FBN1: variants seen among roughly 807,000 people sequenced by gnomAD.
The protein encoded by FBN1 is fibrillin-1.
A neutral mutation model predicts 365.1 loss-of-function variants in FBN1; 29 were observed. The observed-to-expected ratio is 0.08, with a 90% CI of 0.06 to 0.11. The LOEUF is 0.11. Among genes scored for constraint, FBN1 ranks in the 10% least tolerant of loss-of-function variants. The probability of loss-of-function intolerance (pLI) is 1.00; values close to 1 mark genes in which losing one functional copy is unlikely to be tolerated. For missense variants in FBN1, 2,476 were observed against 3,703.2 expected (o/e 0.67, Z 8.60); for synonymous variants, 1,210 against 1,270.5 (o/e 0.95, Z 1.01).
intron 10 of FBN1, among the ~76,000 whole-genome samples, chr15:48,516,798 CA>C: frequency 1.3e-5 from 2 of 152,220 alleles, no homozygotes; most frequent in South Asian, 4.2e-4. Context: ...TTCAGAAGAT[CA>C]TGCTTACAAT....
intron 45 of FBN1, among the ~76,000 whole-genome samples, chr15:48,451,583 G>A (rs2043201964): frequency 6.6e-6 from 1 of 152,066 alleles, no homozygotes; most frequent in Admixed American, 6.5e-5. Flanking sequence ...TGGTAGGCAA[G>A]GAAATCCAAG....
chr15:48,481,583 G>T, intron 32 of FBN1, 72 bp downstream of exon 32: 3 of 1,465,712 alleles, frequency 2.0e-6, no homozygotes, highest in South Asian at 1.2e-5. Context: ...TTTAAAACAT[G>T]TATCAATCTA....
rs940287048 is a variant in FBN1, at chr15:48,632,561, G to A, written c.164+12045C>T. Among the ~76,000 whole-genome samples, 6 of 152,192 alleles carry A rather than the reference G, an allele frequency of 3.9e-5. No individual in the cohort carries two copies. The East Asian group carries it at 1.2e-3, about 29-fold the overall frequency. On this transcript the variant is annotated intron_variant, in intron 2 of 65. Transcript: ENST00000316623. ...TTCCTCCTAGAAGGTGGTGGAGCCA[G>A]GGTTTGACCCAAAGCATGTCTATTT...
chr15:48,413,425 T>G (rs979824526), intron 64 of FBN1, among the ~76,000 whole-genome samples: 1 of 152,254 alleles, frequency 6.6e-6, no homozygotes, highest in African/African-American at 2.4e-5. Context: ...CTCCGACTCA[T>G]GTGAAGATGG....
At position 48,431,234 on chromosome 15, in the gene FBN1, A is replaced by G. The variant is rs573559182; in HGVS notation, c.6740-432T>C. On this transcript the variant is annotated intron_variant, in intron 55 of 65. Coordinates refer to ENST00000316623, the MANE Select transcript of FBN1 (RefSeq NM_000138.5). ...TACCTCAGTCTCCCAAGTATCTGGG[A>G]TTACAGGCATGCACCACCACGCCTG... Among the ~76,000 whole-genome samples the G allele has an allele frequency of 1.5e-3, 228 of 152,040 alleles. 1 individual carries two copies. Among genetic ancestry groups the G allele is most frequent in the African/African-American group, 5.1e-3 (213 of 41,482 alleles).
At chr15:48,497,864 C>A (rs2043621266) in intron 18 of FBN1, among the ~76,000 whole-genome samples, 1 of 152,206 alleles carries the variant, frequency 6.6e-6, no homozygotes, top group African/African-American at 2.4e-5. Flanking sequence ...ACAATATCCT[C>A]AAGATAAAAC....
intron 6 of FBN1, among the ~76,000 whole-genome samples, chr15:48,587,019 G>A (rs901371144): frequency 3.9e-5 from 6 of 152,144 alleles, no homozygotes; most frequent in African/African-American, 1.2e-4. Flanking sequence ...TAACAAACCC[G>A]ATGCCTCCCC....
chr15:48,498,762 T>C (rs1274852679), intron 18 of FBN1, among the ~76,000 whole-genome samples: 1 of 152,016 alleles, frequency 6.6e-6, no homozygotes, highest in Admixed American at 6.6e-5. Flanking sequence ...CCTGACCCCC[T>C]CAGTGGCCAA....
intron 36 of FBN1, among the ~76,000 whole-genome samples, chr15:48,469,143 T>C (rs886294711): frequency 4.1e-5 from 6 of 145,168 alleles, no homozygotes; most frequent in Non-Finnish European, 7.5e-5. Flanking sequence ...ATATATTACA[T>C]ATATATATAT....
intron 10 of FBN1, among the ~76,000 whole-genome samples, chr15:48,517,592 TTC>T (rs2141332668): frequency 6.6e-6 from 1 of 152,370 alleles, no homozygotes; most frequent in Admixed American, 6.5e-5. Context: ...CACACATTTG[TTC>T]TGGGCTTCCA....
At chr15:48,420,382 T>C (rs1162537779) in intron 63 of FBN1, among the ~76,000 whole-genome samples, 2 of 152,258 alleles carry the variant, frequency 1.3e-5, no homozygotes, top group South Asian at 4.1e-4. Context: ...ACCCCTGATA[T>C]GAACATAACT....
At chr15:48,560,755 T>G (rs2044216743) in intron 6 of FBN1, among the ~76,000 whole-genome samples, 1 of 152,100 alleles carries the variant, frequency 6.6e-6, no homozygotes, top group Admixed American at 6.6e-5. Flanking sequence ...GAGCCCCAAA[T>G]AGCTCATATA....
At chr15:48,572,852 G>C (rs1004689243) in intron 6 of FBN1, among the ~76,000 whole-genome samples, 5 of 152,176 alleles carry the variant, frequency 3.3e-5, no homozygotes, top group African/African-American at 1.2e-4. Flanking sequence ...ATACCAGGTA[G>C]ACAGTTTAAA....
At chr15:48,412,472 CT>C in intron 65 of FBN1, 96 bp downstream of exon 65, 2 of 1,338,062 alleles carry the variant, frequency 1.5e-6, no homozygotes, top group Non-Finnish European at 1.1e-6. Flanking sequence ...CCCTGGGGAG[CT>C]TTTTCACACT....
intron 22 of FBN1, among the ~76,000 whole-genome samples, chr15:48,494,649 G>A (rs1394940174): frequency 6.6e-6 from 1 of 152,130 alleles, no homozygotes; most frequent in Non-Finnish European, 1.5e-5. Context: ...ATGGCCTCCA[G>A]CATTCACATA....
At chr15:48,505,207 G>T in intron 15 of FBN1, 60 bp from the exon 16 acceptor site, 5 of 1,599,152 alleles carry the variant, frequency 3.1e-6, no homozygotes, top group Non-Finnish European at 4.3e-6. Flanking sequence ...ATTATAACAT[G>T]TTGACAATTA....
chr15:48,631,482 T>G (rs780743570), intron 2 of FBN1, among the ~76,000 whole-genome samples: 3 of 152,218 alleles, frequency 2.0e-5, no homozygotes, highest in Admixed American at 2.0e-4. Flanking sequence ...AGATGTGTTG[T>G]GTTTGCCCAT....
At chr15:48,586,380 C>T (rs1426448942) in intron 6 of FBN1, among the ~76,000 whole-genome samples, 1 of 152,068 alleles carries the variant, frequency 6.6e-6, no homozygotes, top group Non-Finnish European at 1.5e-5. Flanking sequence ...CAGGAAGTGA[C>T]TGGGGAGAGA....
intron 2 of FBN1, among the ~76,000 whole-genome samples, chr15:48,614,673 T>C (rs939029368): frequency 1.3e-5 from 2 of 152,064 alleles, no homozygotes; most frequent in African/African-American, 4.8e-5. Context: ...AGAGAGGAAA[T>C]GATTGGATAG....
Sources: allele counts gnomAD v4.1 joint callset (sites outside exome capture counted in the v4.1 genomes callset), GRCh38; gene constraint gnomAD v4.1.1; transcripts MANE v1.5; gene names NCBI Gene and HGNC (gene_info 2026-07-23, HGNC 2026-07-21).